Variants in DLGAP1 observed in about 807,000 individuals in gnomAD.
The protein encoded by DLGAP1 is DLG associated protein 1, also known as disks large-associated protein 1.
A neutral mutation model predicts 90.8 loss-of-function variants in DLGAP1; 11 were observed. That is an observed-to-expected ratio of 0.12 (90% CI 0.08 to 0.20). The LOEUF is 0.20. Among genes scored for constraint, DLGAP1 ranks in the 10% least tolerant of loss-of-function variants. The pLI is 1.00. For missense variants in DLGAP1, 1,050 were observed against 1,333.8 expected, an observed-to-expected ratio of 0.79 and a Z score of 3.31; for synonymous variants, 558 against 540.7, an observed-to-expected ratio of 1.03 and a Z score of -0.44.
intron 1 of DLGAP1, among the ~76,000 whole-genome samples, chr18:4,419,920 A>C (rs992110903): frequency 6.6e-5 from 10 of 152,196 alleles, no homozygotes; most frequent in Non-Finnish European, 1.2e-4. Context: ...ACCCAAGTAT[A>C]TGCTGTCCAC....
At chr18:3,766,813 A>G (rs952086146) in intron 5 of DLGAP1, among the ~76,000 whole-genome samples, 4 of 152,186 alleles carry the variant, frequency 2.6e-5, no homozygotes, top group Non-Finnish European at 5.9e-5. Context: ...TTTGAGACAC[A>G]GCTAAATCAG....
intron 1 of DLGAP1, among the ~76,000 whole-genome samples, chr18:4,392,208 A>G (rs1007411661): frequency 2.0e-5 from 3 of 152,178 alleles, no homozygotes; most frequent in Non-Finnish European, 4.4e-5. Context: ...GGCAGTTGGT[A>G]GGCAGCACAG....
At chr18:4,234,103 A>T (rs79639369) in intron 1 of DLGAP1, among the ~76,000 whole-genome samples, 3 of 138,764 alleles carry the variant, frequency 2.2e-5, no homozygotes, top group East Asian at 2.1e-4. Context: ...CTTTTTTGCT[A>T]TTTTTTTTTT....
chr18:4,331,569 G>C, intron 1 of DLGAP1, among the ~76,000 whole-genome samples: 1 of 151,636 alleles, frequency 6.6e-6, no homozygotes, highest in Non-Finnish European at 1.5e-5. Context: ...ATGGCATTAT[G>C]ACCCTGCTTT....
chr18:3,877,987 C>G (rs2071046738), intron 4 of DLGAP1, among the ~76,000 whole-genome samples: 1 of 152,156 alleles, frequency 6.6e-6, no homozygotes, highest in South Asian at 2.1e-4. Flanking sequence ...GGATTGCCAG[C>G]TTGGGGTCTT....
chr18:3,568,639 A>T (rs893139119), intron 8 of DLGAP1, among the ~76,000 whole-genome samples: 2 of 152,054 alleles, frequency 1.3e-5, no homozygotes, highest in African/African-American at 4.8e-5. Flanking sequence ...TTTGATGTAT[A>T]TTTGTCTATC....
rs1300778177 is a variant in DLGAP1 at position 3,565,941 on chromosome 18, A to G, written c.2057+1549T>C. On this transcript the variant is annotated intron_variant, in intron 9 of 12. Coordinates refer to ENST00000315677, the MANE Select transcript of DLGAP1 (RefSeq NM_004746.4). The surrounding 1 kb of genome is among the most constrained non-coding windows in gnomAD (Gnocchi z 4.0). ...TAAACCTACCATTTGTACGTATTAC[A>G]TTTCAGTCCTTGTCCATCTGCATGA... is the stretch of plus-strand genomic sequence containing the variant. 2.0e-5 allele frequency among the ~76,000 whole-genome samples: 3 copies of G among 152,164 alleles called. No individual in the cohort carries two copies. Among genetic ancestry groups the G allele is most frequent in the African/African-American group, 7.2e-5 (3 of 41,444 alleles).
Position 4,185,969 on chromosome 18 carries a change from G to A in DLGAP1, c.-266-34682C>T, listed in dbSNP as rs559238490. Among the ~76,000 whole-genome samples the A allele has an allele frequency of 4.6e-5, 7 of 152,100 alleles. No homozygotes were observed. In the East Asian group the frequency reaches 1.4e-3, roughly 29 times the overall value. ...TTTGTTTTTTGACTTTTTAATAATA[G>A]CCATTCTGACCAGTGTGAGATAGTA... On this transcript the variant is annotated intron_variant, in intron 1 of 12. Coordinates refer to ENST00000315677, the MANE Select transcript of DLGAP1 (RefSeq NM_004746.4).
At chr18:3,886,901 C>A (rs905849508) in intron 3 of DLGAP1, among the ~76,000 whole-genome samples, 1 of 152,128 alleles carries the variant, frequency 6.6e-6, no homozygotes, top group South Asian at 2.1e-4. Context: ...CTGGCTGGAA[C>A]GCAGCTGTGG....
chr18:4,449,356 T>C (rs1264986111), intron 1 of DLGAP1, among the ~76,000 whole-genome samples: 2 of 152,194 alleles, frequency 1.3e-5, no homozygotes, highest in Non-Finnish European at 2.9e-5. Flanking sequence ...TTGGGAAATG[T>C]AGCACTGCGT....
chr18:3,999,034 C>T (rs998770455), intron 3 of DLGAP1, among the ~76,000 whole-genome samples: 1 of 152,100 alleles, frequency 6.6e-6, no homozygotes, highest in Non-Finnish European at 1.5e-5. Context: ...CAAAGTTTTA[C>T]ATGACTCTAG....
chr18:4,242,674 C>T (rs769961817), intron 1 of DLGAP1, among the ~76,000 whole-genome samples: 14 of 152,102 alleles, frequency 9.2e-5, no homozygotes, highest in South Asian at 2.1e-4. Flanking sequence ...GGCCTGTGAT[C>T]GCATGGGTAA....
chr18:3,832,861 G>GT (rs980628631), intron 4 of DLGAP1, among the ~76,000 whole-genome samples: 61 of 151,658 alleles, frequency 4.0e-4, no homozygotes, highest in South Asian at 1.7e-3. Context: ...CAGCTTAGGT[G>GT]CCCCCCCCAT....
In DLGAP1 at chr18:4,125,654, C is replaced by T. The variant is rs73943849; in HGVS notation, c.-159+25526G>A. On this transcript the variant is annotated intron_variant, in intron 2 of 12. Coordinates refer to ENST00000315677, the MANE Select transcript of DLGAP1 (RefSeq NM_004746.4). ...AAACAAACAAACAAAAACAAACAAA[C>T]GAAAAACAAAAACAAATCCAGGAAG... Among the ~76,000 whole-genome samples, 104 of 151,916 alleles carry T rather than the reference C, an allele frequency of 6.8e-4. 1 individual carries two copies. The highest frequency in any genetic ancestry group is 1.9e-3 in the African/African-American group (79 of 41,410).
At position 3,996,503 on chromosome 18, in the gene DLGAP1, A is replaced by C. The variant is rs973781610; in HGVS notation, c.-73+8613T>G. Among the ~76,000 whole-genome samples the C allele has an allele frequency of 5.3e-5, 8 of 152,096 alleles. No individual in the cohort carries two copies. In the East Asian group the frequency reaches 1.3e-3, roughly 26 times the overall value. ...TAAATATTCCTAATAAAAATATAGC[A>C]TTTTAATTGCATAGGCTATAAGTGA... On this transcript the variant is annotated intron_variant, in intron 3 of 12. Coordinates refer to ENST00000315677, the MANE Select transcript of DLGAP1 (RefSeq NM_004746.4).
intron 1 of DLGAP1, among the ~76,000 whole-genome samples, chr18:4,348,505 TA>T (rs2081345268): frequency 6.6e-6 from 1 of 151,840 alleles, no homozygotes; most frequent in African/African-American, 2.4e-5. Flanking sequence ...ACATATTTCC[TA>T]GCTCTGTCAG....
intron 9 of DLGAP1, among the ~76,000 whole-genome samples, chr18:3,547,268 C>T (rs528120263): frequency 7.0e-6 from 1 of 141,976 alleles, no homozygotes; most frequent in Non-Finnish European, 1.5e-5. Context: ...CGCCACTGCA[C>T]TCCAGCCTGG....
chr18:3,713,749 AC>A (rs142647885), intron 7 of DLGAP1, among the ~76,000 whole-genome samples: 4,259 of 152,310 alleles, frequency 0.028, 196 homozygotes, highest in African/African-American at 0.096. Context: ...ATAGAAAGAA[AC>A]ATGTTTATGA....
At chr18:4,385,656 A>G (rs1013976291) in intron 1 of DLGAP1, among the ~76,000 whole-genome samples, 6 of 152,166 alleles carry the variant, frequency 3.9e-5, no homozygotes, top group African/African-American at 1.4e-4. Context: ...AGGCTGTTCT[A>G]GGAAAAGAAA....
Sources: gnomAD v4.1 joint callset for allele counts (sites outside exome capture counted in the v4.1 genomes callset) on GRCh38, gnomAD v4.1.1 for gene constraint, Gnocchi (gnomAD v3.1) non-coding constraint, MANE v1.5 for transcripts, NCBI Gene and HGNC (gene_info 2026-07-23, HGNC 2026-07-21) for gene names.